Variants in GJA5 observed in about 807,000 individuals in gnomAD.
The protein encoded by GJA5 is gap junction alpha-5 protein.
GJA5 carries 3 observed loss-of-function variants against 7.9 expected under a neutral mutation model. That is an observed-to-expected ratio of 0.38 (90% CI 0.17 to 0.99). GJA5 has a LOEUF of 0.99. Ranked by LOEUF, GJA5 falls within the 50% of genes least tolerant of loss-of-function variation. The probability of loss-of-function intolerance (pLI) is 0.38; values close to 1 mark genes in which losing one functional copy is unlikely to be tolerated. For synonymous variants in GJA5, 193 were observed against 181.0 expected (o/e 1.07, Z -0.53); for missense variants, 390 against 457.9 (o/e 0.85, Z 1.35).
upstream of GJA5, among the ~76,000 whole-genome samples, chr1:147,765,599 A>G (rs1664170200): frequency 1.3e-5 from 2 of 152,236 alleles, no homozygotes. Flanking sequence ...ATTCATTGAA[A>G]TGAAAACCAG....
chr1:147,761,239 T>C (rs1557945544), upstream of GJA5, among the ~76,000 whole-genome samples: 2 of 152,214 alleles, frequency 1.3e-5, no homozygotes, highest in Non-Finnish European at 2.9e-5. Flanking sequence ...TTTCTTAGAA[T>C]CATAAACCTC....
rs782310182 is a variant in GJA5, at chr1:147,759,281, GGAGA to G, written c.-33-14_-33-11del. On this transcript the variant is annotated splice_polypyrimidine_tract_variant and intron_variant, in intron 1 of 1. Transcript: ENST00000579774. ...ACAGATGCCAAAACTTCTGCAAATG[GGAGA>G]GAGAGAAAGAGAGAAAAGAAGAAGG... The G allele has an allele frequency of 8.0e-7, 1 of 1,246,766 alleles. No individual in the cohort carries two copies. The highest frequency in any genetic ancestry group is 1.2e-6 in the Non-Finnish European group (1 of 847,248). The allele number at this position is 1,246,766 out of a possible 1,614,324, so 77.2% of individuals were successfully genotyped here.
At chr1:147,770,384 C>T (rs1235609185) in intron 1 of GJA5, among the ~76,000 whole-genome samples, 1 of 151,954 alleles carries the variant, frequency 6.6e-6, no homozygotes, top group Non-Finnish European at 1.5e-5. Context: ...AGCCAAGAAA[C>T]AAGTCCAGAG....
rs1223988674 is a variant in GJA5 at position 147,758,936 on chromosome 1, G to A, written c.303C>T (p.Arg101=). 1.9e-6 allele frequency: 3 copies of A among 1,614,134 alleles called. No homozygotes were observed. The highest frequency in any genetic ancestry group is 1.3e-5 in the African/African-American group (1 of 74,952). The change falls in exon 2 of 2, where the codon CGC becomes CGT. Residue 101 remains arginine, a synonymous_variant. Coordinates refer to ENST00000579774, the MANE Select transcript of GJA5 (RefSeq NM_181703.4). The part of the protein sequence containing the change: ...VYMGHAMHTV[R]MQEKRKLREA... ...CCCGTAGCTTGCGCTTCTCCTGCAT[G>A]CGCACAGTGTGCATGGCGTGGCCCA...
intron 1 of GJA5, among the ~76,000 whole-genome samples, chr1:147,771,250 G>GA (rs1664391055): frequency 6.6e-6 from 1 of 152,052 alleles, no homozygotes; most frequent in Non-Finnish European, 1.5e-5. Flanking sequence ...TGGGCAGGTG[G>GA]GAGTCAATAC....
At chr1:147,762,786 G>T (rs1664067856), upstream of GJA5, among the ~76,000 whole-genome samples, 1 of 152,202 alleles carries the variant, frequency 6.6e-6, no homozygotes, top group East Asian at 1.9e-4. Context: ...GCTCCCTTTG[G>T]ATACCCCATC....
intron 1 of GJA5, among the ~76,000 whole-genome samples, chr1:147,767,716 G>C (rs1213820551): frequency 2.0e-5 from 3 of 151,862 alleles, no homozygotes; most frequent in Non-Finnish European, 2.9e-5. Flanking sequence ...TTTGTTACAG[G>C]GCTCAGAGAG....
chr1:147,766,143 T>C (rs1347504288), intron 1 of GJA5, among the ~76,000 whole-genome samples: 1 of 152,098 alleles, frequency 6.6e-6, no homozygotes, highest in Non-Finnish European at 1.5e-5. Flanking sequence ...ACCTGAGAAT[T>C]AGTTGCTCTA....
intron 1 of GJA5, among the ~76,000 whole-genome samples, 181 bp downstream of exon 1, chr1:147,760,318 T>C (rs1300204994): frequency 2.6e-5 from 4 of 152,158 alleles, no homozygotes; most frequent in Non-Finnish European, 5.9e-5. Context: ...CATGAGTTCC[T>C]TTTGTCCAGC....
intron 1 of GJA5, among the ~76,000 whole-genome samples, chr1:147,770,667 G>C (rs1664362843): frequency 6.6e-6 from 1 of 152,108 alleles, no homozygotes; most frequent in African/African-American, 2.4e-5. Context: ...CAAATGCCCA[G>C]GTTCTTCCTT....
chr1:147,761,144 C>T (rs1553227363), upstream of GJA5, among the ~76,000 whole-genome samples: 3 of 152,152 alleles, frequency 2.0e-5, no homozygotes, highest in African/African-American at 4.8e-5. Flanking sequence ...TAGTGAATAA[C>T]GAATGTTCTT....
At chr1:147,764,748 C>T (rs1435395418), upstream of GJA5, among the ~76,000 whole-genome samples, 6 of 145,320 alleles carry the variant, frequency 4.1e-5, no homozygotes, top group African/African-American at 7.7e-5. Context: ...TGCTTGAATC[C>T]GGGCGGTGGA....
intron 1 of GJA5, among the ~76,000 whole-genome samples, chr1:147,768,953 C>T (rs1664306438): frequency 6.6e-6 from 1 of 152,182 alleles, no homozygotes. Flanking sequence ...GATGATAAGC[C>T]CGTGCCCAGA....
chr1:147,770,058 C>T (rs1664341200), intron 1 of GJA5, among the ~76,000 whole-genome samples: 1 of 152,018 alleles, frequency 6.6e-6, no homozygotes, highest in Admixed American at 6.6e-5. Flanking sequence ...GTTGTCTACT[C>T]TGTGATCTGA....
chr1:147,772,397 A>T (rs1664440955), intron 1 of GJA5, among the ~76,000 whole-genome samples: 1 of 152,086 alleles, frequency 6.6e-6, no homozygotes, highest in East Asian at 1.9e-4. Flanking sequence ...AGCCTTACAC[A>T]CCGTTACTGC....
At chr1:147,770,878 TAA>T (rs1332376476) in intron 1 of GJA5, among the ~76,000 whole-genome samples, 1 of 152,198 alleles carries the variant, frequency 6.6e-6, no homozygotes, top group East Asian at 1.9e-4. Flanking sequence ...CCAACAATAG[TAA>T]GGAAGTCAGC....
rs1163294449 is a variant in GJA5 at position 147,757,907 on chromosome 1, T to G, written c.*255A>C. 1.9e-6 allele frequency: 1 copy of G among 530,724 alleles called. No homozygotes were observed. Among genetic ancestry groups the G allele is most frequent in the Non-Finnish European group, 3.4e-6 (1 of 294,422 alleles). The allele number at this position is 530,724 out of a possible 1,614,324, so 32.9% of individuals were successfully genotyped here. On this transcript the variant is annotated 3_prime_UTR_variant, in exon 2 of 2. Coordinates refer to ENST00000579774, the MANE Select transcript of GJA5 (RefSeq NM_181703.4). The stretch of plus-strand genomic sequence containing the variant: ...CCTTCTTTCCCTCTACCCTGTTTCA[T>G]GAGTAATCTGAAAGGCTTCGTATAC...
chr1:147,757,855 C>T lies in GJA5; in HGVS notation c.*307G>A, dbSNP rs1663799914. On this transcript the variant is annotated 3_prime_UTR_variant, in exon 2 of 2. Transcript: ENST00000579774. ...AGTCATTCTATCCCTCTGGCTATCC[C>T]TTCCAGGCCAGCTTTTGCCATGCTT... 1 of 429,428 alleles carries T rather than the reference C, an allele frequency of 2.3e-6. No homozygotes were observed. Among genetic ancestry groups the T allele is most frequent in the Non-Finnish European group, 4.3e-6 (1 of 232,062 alleles). The allele number at this position is 429,428 out of a possible 1,614,324, so 26.6% of individuals were successfully genotyped here.
chr1:147,767,304 T>G (rs1399889448), intron 1 of GJA5, among the ~76,000 whole-genome samples: 1 of 152,172 alleles, frequency 6.6e-6, no homozygotes, highest in Non-Finnish European at 1.5e-5. Flanking sequence ...ACTGACACCT[T>G]TCTATGTGCC....
Sources: allele counts gnomAD v4.1 joint callset (sites outside exome capture counted in the v4.1 genomes callset), GRCh38; gene constraint gnomAD v4.1.1; transcripts MANE v1.5; gene names NCBI Gene and HGNC (gene_info 2026-07-23, HGNC 2026-07-21).